ADAMTS20: variants seen among roughly 807,000 people sequenced by gnomAD.
ADAMTS20 encodes ADAM metallopeptidase with thrombospondin type 1 motif 20.
Under a neutral mutation model 260.1 loss-of-function variants are expected in ADAMTS20, and 225 were observed. The observed-to-expected ratio is 0.87, with a 90% CI of 0.78 to 0.97. The LOEUF (loss-of-function observed/expected upper bound fraction) is 0.97, where lower values mean the gene tolerates loss of function less well. ADAMTS20 is among the 50% of genes least tolerant of loss of function. The pLI is 0.00. For missense variants in ADAMTS20, 2,400 were observed against 2,337.7 expected (o/e 1.03, Z -0.55); for synonymous variants, 802 against 769.5 (o/e 1.04, Z -0.70).
At chr12:43,397,438 T>C (rs1940726685) in intron 29 of ADAMTS20, among the ~76,000 whole-genome samples, 1 of 152,126 alleles carries the variant, frequency 6.6e-6, no homozygotes, top group Non-Finnish European at 1.5e-5. Flanking sequence ...AAAATATATG[T>C]AGAGAGGCCA....
intron 36 of ADAMTS20, among the ~76,000 whole-genome samples, chr12:43,375,168 G>C (rs538144143): frequency 3.5e-5 from 3 of 86,540 alleles, no homozygotes; most frequent in Non-Finnish European, 6.3e-5. Flanking sequence ...GTGCAACTGC[G>C]TCTCAAAAAA....
chr12:43,405,282 G>T (rs1001603290), intron 28 of ADAMTS20, among the ~76,000 whole-genome samples: 1 of 144,402 alleles, frequency 6.9e-6, no homozygotes, highest in East Asian at 2.0e-4. Context: ...CATGGTGATG[G>T]TGATGCACAT....
In ADAMTS20 at chr12:43,439,739, C is replaced by G. The variant is rs775817558; in HGVS notation, c.2476G>C (p.Gly826Arg). The G allele has an allele frequency of 1.1e-5, 17 of 1,610,208 alleles. No individual in the cohort carries two copies. The highest frequency in any genetic ancestry group is 1.4e-5 in the Non-Finnish European group (17 of 1,178,258). The change falls in exon 18 of 39, where the codon GGT becomes CGT. Residue 826 changes from glycine (G) to arginine (R), a missense_variant. Transcript: ENST00000389420. ...TGTACATCAGGGTTGTATAAATTAC[C>G]CACACACAACACCTCAATAAGAATA... is the stretch of plus-strand genomic sequence containing the variant. ...KELILQVLCV[G>R]NLYNPDVHYS...
chr12:43,411,330 A>C (rs891189493), intron 28 of ADAMTS20, among the ~76,000 whole-genome samples: 14 of 151,756 alleles, frequency 9.2e-5, no homozygotes, highest in Admixed American at 2.0e-4. Context: ...TTTTGATAAA[A>C]TTGGTTTTCA....
chr12:43,546,666 A>C (rs1943444032), intron 2 of ADAMTS20, among the ~76,000 whole-genome samples: 2 of 152,242 alleles, frequency 1.3e-5, no homozygotes, highest in Non-Finnish European at 2.9e-5. Flanking sequence ...AGTTGGATAT[A>C]GGGATATTAA....
At chr12:43,360,371 C>T (rs1458136442) in intron 37 of ADAMTS20, among the ~76,000 whole-genome samples, 2 of 152,078 alleles carry the variant, frequency 1.3e-5, no homozygotes, top group Admixed American at 6.6e-5. Context: ...ATTTCTTGAA[C>T]CTGGGAGGCA....
chr12:43,464,561 G>C, intron 10 of ADAMTS20, 30 bp downstream of exon 10: 1 of 1,599,962 alleles, frequency 6.3e-7, no homozygotes, highest in Non-Finnish European at 8.5e-7. Context: ...GGCAGTTTTC[G>C]AACAAAATAA....
At chr12:43,506,780 CTTT>C (rs146293853) in intron 3 of ADAMTS20, among the ~76,000 whole-genome samples, 32 of 141,098 alleles carry the variant, frequency 2.3e-4, no homozygotes, top group South Asian at 2.2e-4. Context: ...GCCTGGCCAC[CTTT>C]TTTTTTTTTT....
chr12:43,386,208 T>C (rs991510020), intron 29 of ADAMTS20, among the ~76,000 whole-genome samples: 1 of 152,220 alleles, frequency 6.6e-6, no homozygotes, highest in Non-Finnish European at 1.5e-5. Flanking sequence ...TTTGTATTTG[T>C]TTGCTCTTGC....
chr12:43,485,944 CAG>C (rs1476693574), intron 7 of ADAMTS20, among the ~76,000 whole-genome samples: 1 of 151,902 alleles, frequency 6.6e-6, no homozygotes, highest in Non-Finnish European at 1.5e-5. Context: ...ATGAAACAAA[CAG>C]AAATACATCC....
chr12:43,437,516 A>G (rs1436033732), intron 18 of ADAMTS20, among the ~76,000 whole-genome samples: 1 of 152,212 alleles, frequency 6.6e-6, no homozygotes, highest in Non-Finnish European at 1.5e-5. Flanking sequence ...AGAATACAAC[A>G]TGTCATGTAC....
intron 2 of ADAMTS20, among the ~76,000 whole-genome samples, chr12:43,536,400 G>A (rs985278843): frequency 1.3e-5 from 2 of 152,074 alleles, no homozygotes; most frequent in African/African-American, 4.8e-5. Flanking sequence ...AGGGGCTAAC[G>A]ATACAGAGAT....
In ADAMTS20 at chr12:43,551,167, T is replaced by A. The variant is rs1943510274; in HGVS notation, c.195A>T (p.Lys65Asn). The change falls in exon 2 of 39, where the codon AAA (lysine) becomes AAT (asparagine). Residue 65 changes from lysine (K) to asparagine (N), a missense_variant. Lys to Asn is a moderately conservative substitution (Grantham distance 94, BLOSUM62 0). Transcript: ENST00000389420. This position sits in a 1 kb window ranked among gnomAD's most constrained non-coding sequence, Gnocchi z 4.6. ...TGGGTTCCAGCGCCTCGGAGCTGCGTTTCTGCCGGCTGAAGTGGTGGCTCT... is the reference window on the plus strand; with the variant it reads ...TGGGTTCCAGCGCCTCGGAGCTGCGATTCTGCCGGCTGAAGTGGTGGCTCT... ...FPQSHHFSRQ[K>N]RSSEALEPMP... 6.2e-7 allele frequency: 1 copy of A among 1,613,866 alleles called. No homozygotes were observed. Among genetic ancestry groups the A allele is most frequent in the Admixed American group, 1.7e-5 (1 of 60,016 alleles).
Position 43,391,872 on chromosome 12 carries a change from A to AT in ADAMTS20, c.4452+7193dup, listed in dbSNP as rs1317005985. On this transcript the variant is annotated intron_variant, in intron 29 of 38. Coordinates refer to ENST00000389420, the MANE Select transcript of ADAMTS20 (RefSeq NM_025003.5). ...AATTCCTCTCATAAACTGTGTCAAC[A>AT]TTTTTACTGGAAAAGCACTTTAAAA... is the stretch of plus-strand genomic sequence containing the variant. Among the ~76,000 whole-genome samples, 5 of 152,314 alleles carry AT rather than the reference A, an allele frequency of 3.3e-5. No individual in the cohort carries two copies. In the South Asian group the frequency reaches 6.2e-4, roughly 19 times the overall value.
intron 2 of ADAMTS20, among the ~76,000 whole-genome samples, chr12:43,538,214 C>A (rs118081940): frequency 0.026 from 3,996 of 152,298 alleles, 105 homozygotes; most frequent in East Asian, 0.14. Flanking sequence ...GCCATTTTCA[C>A]TGGGGTGAGA....
intron 28 of ADAMTS20, among the ~76,000 whole-genome samples, chr12:43,413,182 CATCATTTACACATT>C (rs767553935): frequency 6.6e-6 from 1 of 152,142 alleles, no homozygotes; most frequent in Non-Finnish European, 1.5e-5. Flanking sequence ...AGAACAGTCA[CATCATTTACACATT>C]ATCATTTACA....
At chr12:43,413,100 T>C (rs1488250182) in intron 28 of ADAMTS20, among the ~76,000 whole-genome samples, 1 of 152,164 alleles carries the variant, frequency 6.6e-6, no homozygotes. Context: ...TGAGCCACCG[T>C]GCCTGGCCGG....
chr12:43,503,625 C>T (rs1382494105), intron 3 of ADAMTS20, among the ~76,000 whole-genome samples: 3 of 151,828 alleles, frequency 2.0e-5, no homozygotes, highest in Admixed American at 6.6e-5. Context: ...CAGGTAAACT[C>T]GTGTCATGGG....
At chr12:43,467,263 C>A (rs1222483170) in intron 8 of ADAMTS20, among the ~76,000 whole-genome samples, 1 of 151,908 alleles carries the variant, frequency 6.6e-6, no homozygotes. Context: ...TATGAAAGAC[C>A]CTAAATACTA....
Sources: gnomAD v4.1 joint callset for allele counts (sites outside exome capture counted in the v4.1 genomes callset) on GRCh38, gnomAD v4.1.1 for gene constraint, Gnocchi (gnomAD v3.1) non-coding constraint, MANE v1.5 for transcripts, NCBI Gene and HGNC (gene_info 2026-07-23, HGNC 2026-07-21) for gene names.